The following LRP1B variants were observed in gnomAD, a reference collection of about 807,000 sequenced individuals.
LRP1B encodes low-density lipoprotein receptor-related protein 1B.
A neutral mutation model predicts 556.6 loss-of-function variants in LRP1B; 217 were observed. The observed-to-expected ratio is 0.39, with a 90% confidence interval of 0.35 to 0.44. The LOEUF (loss-of-function observed/expected upper bound fraction) is 0.44. Ranked by LOEUF, LRP1B falls within the 20% of genes least tolerant of loss-of-function variation. The probability of loss-of-function intolerance (pLI) is 1.00; values close to 1 mark genes in which losing one functional copy is unlikely to be tolerated. For missense variants in LRP1B, 5,053 were observed against 5,620.8 expected, an observed-to-expected ratio of 0.90 and a Z score of 3.23; for synonymous variants, 2,047 against 1,865.8, an observed-to-expected ratio of 1.10 and a Z score of -2.50.
chr2:141,189,044 G>A (rs1478381813), intron 6 of LRP1B, among the ~76,000 whole-genome samples: 3 of 151,876 alleles, frequency 2.0e-5, no homozygotes, highest in Non-Finnish European at 2.9e-5. Flanking sequence ...AGATGGAAAA[G>A]GAGATCTATA....
At chr2:141,142,500 C>T (rs1701676924) in intron 7 of LRP1B, among the ~76,000 whole-genome samples, 1 of 152,024 alleles carries the variant, frequency 6.6e-6, no homozygotes, top group Admixed American at 6.6e-5. Context: ...GTACTAATAC[C>T]AGAAAATTAT....
At chr2:141,292,652 C>T (rs915810026) in intron 3 of LRP1B, among the ~76,000 whole-genome samples, 12 of 152,034 alleles carry the variant, frequency 7.9e-5, no homozygotes, top group Admixed American at 2.6e-4. Context: ...GTATTCCTCC[C>T]GATAACCTAT....
intron 2 of LRP1B, among the ~76,000 whole-genome samples, chr2:141,650,656 C>A (rs1370698356): frequency 6.6e-6 from 1 of 151,962 alleles, no homozygotes; most frequent in Non-Finnish European, 1.5e-5. Flanking sequence ...GAACGTAGTG[C>A]AAAAAGAACA....
intron 35 of LRP1B, among the ~76,000 whole-genome samples, chr2:140,732,397 T>C (rs1442384808): frequency 6.6e-6 from 1 of 152,114 alleles, no homozygotes; most frequent in Non-Finnish European, 1.5e-5. Flanking sequence ...AACTCCAATT[T>C]CACCAAATAC....
chr2:140,960,244 G>A (rs1216727587), intron 18 of LRP1B, among the ~76,000 whole-genome samples: 1 of 151,734 alleles, frequency 6.6e-6, no homozygotes, highest in Non-Finnish European at 1.5e-5. Context: ...AAATGGATCA[G>A]ACTTAACTTT....
chr2:140,644,930 C>A (rs1684426734), intron 41 of LRP1B, among the ~76,000 whole-genome samples: 1 of 152,060 alleles, frequency 6.6e-6, no homozygotes, highest in African/African-American at 2.4e-5. Context: ...ACATTCTTTG[C>A]ATTTTTTGAT....
At chr2:141,178,940 T>G (rs1336935180) in intron 7 of LRP1B, among the ~76,000 whole-genome samples, 1 of 152,116 alleles carries the variant, frequency 6.6e-6, no homozygotes, top group African/African-American at 2.4e-5. Flanking sequence ...TTAATTGTAT[T>G]AAGTCAAAAT....
chr2:140,472,512 A>G (rs1322387081), intron 60 of LRP1B, among the ~76,000 whole-genome samples: 2 of 152,054 alleles, frequency 1.3e-5, no homozygotes, highest in Non-Finnish European at 2.9e-5. Context: ...TTTCTTGTTC[A>G]GGTTTTCAAT....
At chr2:140,481,438 T>C (rs1688234966) in intron 59 of LRP1B, among the ~76,000 whole-genome samples, 1 of 152,070 alleles carries the variant, frequency 6.6e-6, no homozygotes, top group African/African-American at 2.4e-5. Flanking sequence ...CGTGGTTAAA[T>C]GTGCCTATCT....
chr2:141,302,506 T>A (rs1573775791), intron 3 of LRP1B, among the ~76,000 whole-genome samples: 1 of 152,084 alleles, frequency 6.6e-6, no homozygotes, highest in African/African-American at 2.4e-5. Flanking sequence ...CTATTGTTAT[T>A]GGATAGCAGT....
intron 35 of LRP1B, among the ~76,000 whole-genome samples, chr2:140,763,139 G>T (rs1228844436): frequency 6.6e-6 from 1 of 152,042 alleles, no homozygotes. Context: ...GTTTTAGCTG[G>T]ATGTTGCCGG....
rs183487621 is a variant in LRP1B, at chr2:142,087,597, T to C, written c.82+43051A>G. Among the ~76,000 whole-genome samples, 17 of 151,598 alleles carry C rather than the reference T, an allele frequency of 1.1e-4. No homozygotes were observed. The East Asian group carries it at 3.3e-3, about 29-fold the overall frequency. On this transcript the variant is annotated intron_variant, in intron 1 of 90. Transcript: ENST00000389484. Reference sequence around the variant, plus strand: ...AAATATAATGAATATAAATATTATATTGAATATTACAATGAATACAAATAT... The same window carrying C: ...AAATATAATGAATATAAATATTATACTGAATATTACAATGAATACAAATAT...
chr2:140,789,480 A>G (rs1184726997), intron 32 of LRP1B, among the ~76,000 whole-genome samples: 2 of 152,162 alleles, frequency 1.3e-5, no homozygotes, highest in Non-Finnish European at 2.9e-5. Context: ...TGGCTATGAA[A>G]GTGAAGTACT....
chr2:141,892,429 A>G (rs1699319298), intron 1 of LRP1B, among the ~76,000 whole-genome samples: 1 of 152,050 alleles, frequency 6.6e-6, no homozygotes, highest in Non-Finnish European at 1.5e-5. Context: ...TCTAGCATTA[A>G]GAAATTAAAT....
chr2:141,344,735 T>C (rs1688185714), intron 3 of LRP1B, among the ~76,000 whole-genome samples: 2 of 152,210 alleles, frequency 1.3e-5, no homozygotes, highest in South Asian at 2.1e-4. Context: ...GTGTCTTCAA[T>C]GTGACACATT....
chr2:141,732,252 T>C (rs1693301372), intron 2 of LRP1B, among the ~76,000 whole-genome samples: 3 of 152,164 alleles, frequency 2.0e-5, no homozygotes, highest in Admixed American at 1.3e-4. Flanking sequence ...GAAATTATGA[T>C]TTAAAAAAAT....
At chr2:141,680,465 G>A (rs1255392809) in intron 2 of LRP1B, among the ~76,000 whole-genome samples, 3 of 152,074 alleles carry the variant, frequency 2.0e-5, no homozygotes, top group Non-Finnish European at 2.9e-5. Context: ...AGGAAGAAAT[G>A]GAATTCTTCC....
At chr2:141,075,908 A>G (rs946368099) in intron 7 of LRP1B, among the ~76,000 whole-genome samples, 40 of 152,238 alleles carry the variant, frequency 2.6e-4, no homozygotes, top group African/African-American at 2.4e-4. Context: ...CATTGTTTAT[A>G]CTTGTGTACA....
rs776102590 is a variant in LRP1B at position 140,994,111 on chromosome 2, T to A, written c.2528A>T (p.His843Leu). ...CTFNPGEALP[H>L]ICKAGEFRCK... is the part of the protein sequence containing the mutation. ...GCGAAACTCTCCAGCTTTACATATG[T>A]GAGGTAGTGCTTCTCCAGGATTAAC... is the stretch of plus-strand genomic sequence containing the variant. The change falls in exon 16 of 91, where the codon CAC becomes CTC. Residue 843 changes from histidine (H) to leucine (L), a missense_variant. Transcript: ENST00000389484. The A allele has an allele frequency of 1.2e-6, 2 of 1,612,434 alleles. No individual in the cohort carries two copies. Among genetic ancestry groups the A allele is most frequent in the East Asian group, 4.5e-5 (2 of 44,764 alleles).
Sources: allele counts gnomAD v4.1 joint callset (sites outside exome capture counted in the v4.1 genomes callset), GRCh38; gene constraint gnomAD v4.1.1; transcripts MANE v1.5; gene names NCBI Gene and HGNC (gene_info 2026-07-23, HGNC 2026-07-21).